XRRA1: variants seen among roughly 807,000 people sequenced by gnomAD.
XRRA1 encodes X-ray radiation resistance associated 1.
A neutral mutation model predicts 80.2 loss-of-function variants in XRRA1; 69 were observed. The ratio of observed to expected loss-of-function variants is 0.86; its 90% CI spans 0.71 to 1.05. The LOEUF (loss-of-function observed/expected upper bound fraction) is 1.05. XRRA1 is among the 50% of genes least tolerant of loss of function. The pLI is 0.00. For synonymous variants in XRRA1, 348 were observed against 389.9 expected (o/e 0.89, Z 1.27); for missense variants, 967 against 976.4 (o/e 0.99, Z 0.13).
intron 10 of XRRA1, among the ~76,000 whole-genome samples, chr11:74,896,151 G>A (rs1235805907): frequency 6.6e-6 from 1 of 152,244 alleles, no homozygotes; most frequent in African/African-American, 2.4e-5. Flanking sequence ...AGAGGGAAAA[G>A]TAAAAGAGAG....
chr11:74,902,579 T>C (rs184706761), intron 10 of XRRA1, among the ~76,000 whole-genome samples: 5 of 152,356 alleles, frequency 3.3e-5, no homozygotes, highest in African/African-American at 1.2e-4. Context: ...GGAGTACTAT[T>C]CGGCCATTAA....
intron 10 of XRRA1, among the ~76,000 whole-genome samples, chr11:74,902,411 C>T (rs2053723089): frequency 6.6e-6 from 1 of 152,140 alleles, no homozygotes; most frequent in Non-Finnish European, 1.5e-5. Flanking sequence ...AATCCCAATG[C>T]TGAGTATATA....
chr11:74,861,114 A>T (rs985031878), intron 11 of XRRA1, among the ~76,000 whole-genome samples: 1 of 152,132 alleles, frequency 6.6e-6, no homozygotes, highest in Non-Finnish European at 1.5e-5. Context: ...TGGGAGGGAG[A>T]CATGCCCTGA....
chr11:74,924,319 C>G (rs1941686525), intron 7 of XRRA1, among the ~76,000 whole-genome samples: 1 of 150,164 alleles, frequency 6.7e-6, no homozygotes, highest in Non-Finnish European at 1.5e-5. Flanking sequence ...ACTAAAAATA[C>G]AAAAATTAGC....
intron 16 of XRRA1, among the ~76,000 whole-genome samples, chr11:74,844,728 G>T (rs773556953): frequency 3.9e-5 from 6 of 152,188 alleles, no homozygotes; most frequent in Non-Finnish European, 8.8e-5. Flanking sequence ...ACTTAACCTG[G>T]GCTGGGAAAA....
chr11:74,847,089 G>A lies in XRRA1; in HGVS notation c.1728+1026C>T, dbSNP rs199861720. On this transcript the variant is annotated intron_variant, in intron 15 of 18. Transcript: ENST00000684022. Reference sequence around the variant, plus strand: ...CCTTGTACTATTTCCTTTCCTGTCCGTATTTTCTTTTCATCTAACTCTCTC... The same window carrying A: ...CCTTGTACTATTTCCTTTCCTGTCCATATTTTCTTTTCATCTAACTCTCTC... Among the ~76,000 whole-genome samples the A allele has an allele frequency of 2.6e-5, 4 of 152,062 alleles. No homozygotes were observed. The East Asian group carries it at 5.8e-4, about 22-fold the overall frequency.
Position 74,848,295 on chromosome 11 carries a change from C to G in XRRA1, c.1548G>C (p.Glu516Asp). Reference protein sequence around the residue: ...STSVESEMPTENLEGHSPSCR... With the variant: ...STSVESEMPTDNLEGHSPSCR... Reference sequence around the variant, plus strand: ...AAGACGGGGAATGGCCTTCCAGGTTCTCAGTGGGCATCTCTGACTCCACAG... The same window carrying G: ...AAGACGGGGAATGGCCTTCCAGGTTGTCAGTGGGCATCTCTGACTCCACAG... Residue 516 changes from glutamate (E) to aspartate (D), a missense_variant, in exon 15 of 19, where the codon GAG becomes GAC. Physicochemically the swap from Glu to Asp is conservative, Grantham distance 45 (BLOSUM62 2). Transcript: ENST00000684022. 1.9e-6 allele frequency: 3 copies of G among 1,613,894 alleles called. No individual in the cohort carries two copies. The highest frequency in any genetic ancestry group is 2.5e-6 in the Non-Finnish European group (3 of 1,179,840).
At position 74,933,788 on chromosome 11, in the gene XRRA1, T is replaced by C. The variant is rs1016431171; in HGVS notation, c.351+13A>G. 3.2e-6 allele frequency: 5 copies of C among 1,576,880 alleles called. No individual in the cohort carries two copies. In the African/African-American group the frequency reaches 6.7e-5, roughly 21 times the overall value. ...TGGCTCACCCCAATCACATCTTTGCTGGCTGACCTCACCTTGGAGAACTTC... is the reference window on the plus strand; with the variant it reads ...TGGCTCACCCCAATCACATCTTTGCCGGCTGACCTCACCTTGGAGAACTTC... On this transcript the variant is annotated intron_variant, in intron 5 of 18. Transcript: ENST00000684022.
intron 3 of XRRA1, among the ~76,000 whole-genome samples, chr11:74,939,120 G>A (rs1354070896): frequency 6.6e-6 from 1 of 152,172 alleles, no homozygotes; most frequent in Non-Finnish European, 1.5e-5. Context: ...GGGAGGCTGA[G>A]GCGGGTGGAT....
intron 10 of XRRA1, among the ~76,000 whole-genome samples, chr11:74,903,861 T>C (rs866062905): frequency 6.6e-6 from 1 of 151,982 alleles, no homozygotes; most frequent in Non-Finnish European, 1.5e-5. Context: ...ATAATATATA[T>C]TTTACAAAGA....
chr11:74,914,692 C>A (rs534702092), intron 8 of XRRA1, among the ~76,000 whole-genome samples: 3 of 150,450 alleles, frequency 2.0e-5, no homozygotes, highest in South Asian at 4.3e-4. Context: ...AAGTTATGCC[C>A]TATTCTGCAG....
chr11:74,929,212 G>C (rs1942954715), intron 6 of XRRA1, among the ~76,000 whole-genome samples: 1 of 151,970 alleles, frequency 6.6e-6, no homozygotes, highest in Non-Finnish European at 1.5e-5. Flanking sequence ...AATGCCCCTT[G>C]ATTCCTCCCT....
intron 7 of XRRA1, 35 bp downstream of exon 7, chr11:74,927,356 T>A: frequency 7.9e-7 from 1 of 1,260,906 alleles, no homozygotes; most frequent in Non-Finnish European, 1.2e-6. Context: ...CAGGGGAACT[T>A]GGTGGGCACC....
intron 10 of XRRA1, among the ~76,000 whole-genome samples, chr11:74,871,975 TCTTACA>T (rs2136262396): frequency 6.6e-6 from 1 of 152,322 alleles, no homozygotes; most frequent in East Asian, 1.9e-4. Flanking sequence ...GCAGTATGTT[TCTTACA>T]GTAGGCCAAA....
chr11:74,871,983 T>C (rs1385820892), intron 10 of XRRA1, among the ~76,000 whole-genome samples: 1 of 152,106 alleles, frequency 6.6e-6, no homozygotes, highest in African/African-American at 2.4e-5. Context: ...TTTCTTACAG[T>C]AGGCCAAAAA....
Position 74,943,524 on chromosome 11 carries a change from G to GTGTGTGT in XRRA1, c.-5+1493_-5+1494insACACACA, listed in dbSNP as rs1946788820. On this transcript the variant is annotated intron_variant, in intron 2 of 18. Transcript: ENST00000684022. The stretch of plus-strand genomic sequence containing the variant: ...GGAGGCGAGGGGAAGAGAGTAGGAG[G>GTGTGTGT]GTGTGTGTGTGTGTGTGTGTGTGTG... Among the ~76,000 whole-genome samples, 7 of 137,762 alleles carry GTGTGTGT rather than the reference G, an allele frequency of 5.1e-5. No homozygotes were observed. The East Asian group carries it at 1.8e-3, about 35-fold the overall frequency. The allele number at this position is 137,762 out of a possible 152,430, so 90.4% of individuals were successfully genotyped here.
intron 10 of XRRA1, among the ~76,000 whole-genome samples, chr11:74,879,237 G>A (rs1256044419): frequency 6.6e-6 from 1 of 150,544 alleles, no homozygotes; most frequent in African/African-American, 2.4e-5. Context: ...TTGTGAATGG[G>A]AGTTCACTCA....
At chr11:74,850,055 T>C (rs542859074) in intron 14 of XRRA1, among the ~76,000 whole-genome samples, 1 of 152,330 alleles carries the variant, frequency 6.6e-6, no homozygotes, top group South Asian at 2.1e-4. Context: ...ATTGATTTGT[T>C]TCTCATTTGG....
chr11:74,842,051 CTT>C lies in XRRA1; in HGVS notation c.*1147_*1148del, dbSNP rs1219105782. On this transcript the variant is annotated 3_prime_UTR_variant, in exon 19 of 19. Coordinates refer to ENST00000684022, the MANE Select transcript of XRRA1 (RefSeq NM_001378157.1). The stretch of plus-strand genomic sequence containing the variant: ...ATACACTGTTTGTTTACTCTCAACT[CTT>C]TGTACAAATATTATTGTCCTAAGGG... 6.6e-6 allele frequency: 1 copy of C among 151,660 alleles called. No individual in the cohort carries two copies. Among genetic ancestry groups the C allele is most frequent in the Non-Finnish European group, 1.5e-5 (1 of 67,964 alleles). The allele number at this position is 151,660 out of a possible 1,614,324, so 9.4% of individuals were successfully genotyped here.
Sources: gnomAD v4.1 joint callset for allele counts (sites outside exome capture counted in the v4.1 genomes callset) on GRCh38, gnomAD v4.1.1 for gene constraint, MANE v1.5 for transcripts, NCBI Gene and HGNC (gene_info 2026-07-23, HGNC 2026-07-21) for gene names.